ZNF230: variants seen among roughly 807,000 people sequenced by gnomAD.
ZNF230 encodes zinc finger protein FDZF2.
In ZNF230, 12 loss-of-function variants were observed where a neutral mutation model predicts 10.0. The ratio of observed to expected loss-of-function variants is 1.20; its 90% CI spans 0.77 to 1.95. ZNF230 has a LOEUF of 1.95. Ranked by LOEUF, ZNF230 falls within the 30% of genes most tolerant of loss-of-function variation. ZNF230 has a pLI of 0.00. For missense variants in ZNF230, 532 were observed against 565.8 expected (o/e 0.94, Z 0.61); for synonymous variants, 174 against 193.6 (o/e 0.90, Z 0.84).
chr19:44,009,320 C>A (rs747751696), intron 4 of ZNF230, 150 bp downstream of exon 4: 1 of 844,690 alleles, frequency 1.2e-6, no homozygotes, highest in Non-Finnish European at 1.8e-6. Flanking sequence ...GGTCCTGTTC[C>A]CTCCCTTCCA....
Position 44,011,631 on chromosome 19 carries a change from T to G in ZNF230, c.*167T>G. 1 of 752,232 alleles carries G rather than the reference T, an allele frequency of 1.3e-6. No homozygotes were observed. The highest frequency in any genetic ancestry group is 2.0e-5 in the South Asian group (1 of 50,146). The allele number at this position is 752,232 out of a possible 1,614,324, so 46.6% of individuals were successfully genotyped here. A position where few individuals can be genotyped will look rare whatever the true frequency, so the allele number is the denominator to read the frequency against. Reference sequence around the variant, plus strand: ...GATTTGAAAAGAAACAATAAATTATTGTTGATTATAGTCACCTTTGGTGCT... The same window carrying G: ...GATTTGAAAAGAAACAATAAATTATGGTTGATTATAGTCACCTTTGGTGCT... On this transcript the variant is annotated 3_prime_UTR_variant, in exon 5 of 5. Transcript: ENST00000429154.
rs1976211972 is a variant in ZNF230, at chr19:44,013,689, G to A, written c.*2225G>A. On this transcript the variant is annotated 3_prime_UTR_variant, in exon 5 of 5. Transcript: ENST00000429154. Reference sequence around the variant, plus strand: ...CTTCATAACATAATCAAATATCTTTGTGTGTTTCTGGGACTTTTTAATGTG... The same window carrying A: ...CTTCATAACATAATCAAATATCTTTATGTGTTTCTGGGACTTTTTAATGTG... 6.6e-6 allele frequency: 1 copy of A among 152,110 alleles called. No homozygotes were observed. The highest frequency in any genetic ancestry group is 1.5e-5 in the Non-Finnish European group (1 of 68,006). 9.4% of individuals were successfully genotyped at this position (152,110 alleles called of 1,614,324 possible).
Position 44,011,306 on chromosome 19 carries a change from G to C in ZNF230, c.1267G>C (p.Glu423Gln). ...LHCRKKPFKC[E>Q]DCGKRLVHRS... ...CTGCCGGAAAAAACCCTTCAAATGTGAGGATTGTGGAAAGAGGCTTGTACA... is the reference window on the plus strand; with the variant it reads ...CTGCCGGAAAAAACCCTTCAAATGTCAGGATTGTGGAAAGAGGCTTGTACA... The change falls in exon 5 of 5, where the codon GAG becomes CAG. Residue 423 changes from glutamate (E) to glutamine (Q), a missense_variant. By Grantham distance (29) the Glu-to-Gln change is conservative. Coordinates refer to ENST00000429154, the MANE Select transcript of ZNF230 (RefSeq NM_006300.4). The C allele has an allele frequency of 6.2e-7, 1 of 1,614,138 alleles. No homozygotes were observed. Among genetic ancestry groups the C allele is most frequent in the Non-Finnish European group, 8.5e-7 (1 of 1,180,020 alleles).
intron 2 of ZNF230, among the ~76,000 whole-genome samples, chr19:44,007,551 C>T (rs1976135006): frequency 1.3e-5 from 2 of 152,200 alleles, no homozygotes; most frequent in Non-Finnish European, 2.9e-5. Context: ...GGCTCCATTT[C>T]TCTTAGATGC....
chr19:44,010,225 A>C, intron 4 of ZNF230, 44 bp from the exon 5 acceptor site: 1 of 1,519,770 alleles, frequency 6.6e-7, no homozygotes, highest in South Asian at 1.3e-5. Flanking sequence ...AACACCAAAC[A>C]AAGGCTTCAT....
chr19:44,009,636 CTT>C lies in ZNF230; in HGVS notation c.229+469_229+470del, dbSNP rs147376641. 4.4e-3 allele frequency among the ~76,000 whole-genome samples: 674 copies of C among 152,320 alleles called. 3 individuals are homozygous for C. The highest frequency in any genetic ancestry group is 7.5e-3 in the Non-Finnish European group (508 of 68,032). On this transcript the variant is annotated intron_variant, in intron 4 of 4. Transcript: ENST00000429154. Reference sequence around the variant, plus strand: ...AACAGACTTCACAGATTAAACAACACTTTTGTTCTTTCTGACATGGGGAGGAC... The same window carrying C: ...AACAGACTTCACAGATTAAACAACACTTGTTCTTTCTGACATGGGGAGGAC...
In ZNF230 at chr19:44,011,698, T is replaced by C. The variant is rs574314581; in HGVS notation, c.*234T>C. Reference sequence around the variant, plus strand: ...TATTTCTCCTATCTAGCAGTACTTATGTATCTTGTTACCCAATCTTTGGCT... The same window carrying C: ...TATTTCTCCTATCTAGCAGTACTTACGTATCTTGTTACCCAATCTTTGGCT... On this transcript the variant is annotated 3_prime_UTR_variant, in exon 5 of 5. Transcript: ENST00000429154. 72 of 425,938 alleles carry C rather than the reference T, an allele frequency of 1.7e-4. No individual in the cohort carries two copies. The highest frequency in any genetic ancestry group is 2.7e-4 in the Non-Finnish European group (64 of 240,530). The allele number at this position is 425,938 out of a possible 1,614,324, so 26.4% of individuals were successfully genotyped here.
intron 2 of ZNF230, 114 bp from the exon 3 acceptor site, chr19:44,008,676 T>C: frequency 7.6e-7 from 1 of 1,311,576 alleles, no homozygotes; most frequent in Non-Finnish European, 1.1e-6. Flanking sequence ...ACAGACAGAA[T>C]GAGTGGGAAA....
rs1444346690 is a variant in ZNF230 at position 44,011,947 on chromosome 19, T to A, written c.*483T>A. 1 of 186,862 alleles carries A rather than the reference T, an allele frequency of 5.4e-6. No individual in the cohort carries two copies. Among genetic ancestry groups the A allele is most frequent in the Non-Finnish European group, 1.1e-5 (1 of 89,522 alleles). The allele number at this position is 186,862 out of a possible 1,614,324, so 11.6% of individuals were successfully genotyped here. On this transcript the variant is annotated 3_prime_UTR_variant, in exon 5 of 5. Transcript: ENST00000429154. Reference sequence around the variant, plus strand: ...TGCCCAAAGAGTATTCTATTGTGTATATATGCCACCTTTTCTTCATTTATC... The same window carrying A: ...TGCCCAAAGAGTATTCTATTGTGTAAATATGCCACCTTTTCTTCATTTATC...
At chr19:44,006,841 C>T in intron 1 of ZNF230, 170 bp from the exon 2 acceptor site, 1 of 390,546 alleles carries the variant, frequency 2.6e-6, no homozygotes, top group Non-Finnish European at 4.7e-6. Flanking sequence ...TATGGATATG[C>T]CATGATTTTT....
In ZNF230 at chr19:44,010,954, G is replaced by A. The variant is rs745470373; in HGVS notation, c.915G>A (p.Glu305=). Residue 305 remains glutamate, a synonymous_variant, in exon 5 of 5, where the codon GAG becomes GAA. Coordinates refer to ENST00000429154, the MANE Select transcript of ZNF230 (RefSeq NM_006300.4). ...LNRHCMVHTA[E]KLYKSEECGK... ...GGCATTGCATGGTCCACACAGCAGA[G>A]AAACTGTACAAATCTGAGGAGTGTG... 3 of 1,614,178 alleles carry A rather than the reference G, an allele frequency of 1.9e-6. No homozygotes were observed. The Admixed American group carries it at 5.0e-5, about 27-fold the overall frequency.
chr19:44,004,152 T>A (rs1976097505), intron 1 of ZNF230: 1 of 152,242 alleles, frequency 6.6e-6, no homozygotes, highest in Admixed American at 6.5e-5. Flanking sequence ...TAAAAATTTC[T>A]CAACTATTTT....
In ZNF230 at chr19:44,010,822, C is replaced by A; in HGVS notation, c.783C>A (p.Phe261Leu). ...TTTGTGAGAAATGTGGGAGGGCCTT[C>A]ATTCACGATTTCCAGCTTCAGAAAC... Reference protein sequence around the residue: ...PYICEKCGRAFIHDFQLQKHQ... With the variant: ...PYICEKCGRALIHDFQLQKHQ... The change falls in exon 5 of 5, where the codon TTC becomes TTA. Residue 261 changes from phenylalanine to leucine, a missense_variant. Transcript: ENST00000429154. 1 of 1,614,232 alleles carries A rather than the reference C, an allele frequency of 6.2e-7. No homozygotes were observed.
In ZNF230 at chr19:44,010,767, G is replaced by A; in HGVS notation, c.728G>A (p.Cys243Tyr). ...TGTAGAGCGATACTTCAAGTTCACT[G>A]CAAATTACACACAGGAGAGAAACCT... ...FRCRAILQVH[C>Y]KLHTGEKPYI... Residue 243 changes from cysteine to tyrosine, a missense_variant, in exon 5 of 5, where the codon TGC (cysteine) becomes TAC (tyrosine). Transcript: ENST00000429154. 1 of 1,614,180 alleles carries A rather than the reference G, an allele frequency of 6.2e-7. No individual in the cohort carries two copies. The highest frequency in any genetic ancestry group is 8.5e-7 in the Non-Finnish European group (1 of 1,180,024).
chr19:44,003,639 G>A (rs879824218), intron 1 of ZNF230: 6 of 196,944 alleles, frequency 3.0e-5, no homozygotes, highest in Non-Finnish European at 5.5e-5. Context: ...CTTTTATGGG[G>A]GACCGCGATG....
intron 4 of ZNF230, among the ~76,000 whole-genome samples, chr19:44,009,528 A>G (rs958357186): frequency 2.0e-5 from 3 of 152,162 alleles, no homozygotes; most frequent in Non-Finnish European, 4.4e-5. Flanking sequence ...TCGCCCTTGC[A>G]TCATCTTTTC....
chr19:44,010,370 A>G lies in ZNF230; in HGVS notation c.331A>G (p.Ile111Val). The change falls in exon 5 of 5, where the codon ATA becomes GTA. Residue 111 changes from isoleucine (I) to valine (V), a missense_variant. Transcript: ENST00000429154. ...CTTAACCCAGTCTCAAGACTCCATC[A>G]TAAATAATTCTCACTTCTTTGAACA... ...SDLTQSQDSI[I>V]NNSHFFEQGD... 17 of 1,614,226 alleles carry G rather than the reference A, an allele frequency of 1.1e-5. No homozygotes were observed. The highest frequency in any genetic ancestry group is 1.4e-5 in the Non-Finnish European group (17 of 1,180,038).
In ZNF230 at chr19:44,011,231, G is replaced by T. The variant is rs1191165627; in HGVS notation, c.1192G>T (p.Gly398Trp). Residue 398 changes from glycine to tryptophan, a missense_variant, in exon 5 of 5, where the codon GGG (glycine) becomes TGG (tryptophan). Transcript: ENST00000429154. ...GERPYNCKECGKSFSRASSIL... is the reference protein window; with the variant it reads ...GERPYNCKECWKSFSRASSIL... ...GAGACCTTATAATTGTAAGGAATGT[G>T]GGAAGAGCTTTAGCCGGGCTTCAAG... 1 of 1,614,104 alleles carries T rather than the reference G, an allele frequency of 6.2e-7. No individual in the cohort carries two copies. The highest frequency in any genetic ancestry group is 1.7e-5 in the Admixed American group (1 of 60,016).
At chr19:44,005,502 T>C (rs916135182) in intron 1 of ZNF230, among the ~76,000 whole-genome samples, 6 of 152,244 alleles carry the variant, frequency 3.9e-5, no homozygotes, top group Non-Finnish European at 8.8e-5. Context: ...CTAGTAGTTG[T>C]AGTGTTACTC....
Sources: allele counts gnomAD v4.1 joint callset (sites outside exome capture counted in the v4.1 genomes callset), GRCh38; gene constraint gnomAD v4.1.1; transcripts MANE v1.5; gene names NCBI Gene and HGNC (gene_info 2026-07-23, HGNC 2026-07-21).